TACR3: variants seen among roughly 807,000 people sequenced by gnomAD.
TACR3 encodes the protein tachykinin receptor 3.
A neutral mutation model predicts 35.0 loss-of-function variants in TACR3; 34 were observed. That is an observed-to-expected ratio of 0.97 (90% CI 0.74 to 1.30). The LOEUF is 1.30. Ranked by LOEUF, TACR3 falls within the 50% of genes most tolerant of loss-of-function variation. The pLI is 0.00. For missense variants in TACR3, 558 were observed against 591.7 expected, an observed-to-expected ratio of 0.94 and a Z score of 0.59; for synonymous variants, 233 against 221.1, an observed-to-expected ratio of 1.05 and a Z score of -0.48.
chr4:103,615,226 C>A (rs1249423356), intron 3 of TACR3, among the ~76,000 whole-genome samples: 1 of 152,040 alleles, frequency 6.6e-6, no homozygotes, highest in Non-Finnish European at 1.5e-5. Flanking sequence ...CAAGAGAAGA[C>A]CATGGTCGTG....
At chr4:103,636,300 T>C (rs902496113) in intron 3 of TACR3, among the ~76,000 whole-genome samples, 1 of 151,948 alleles carries the variant, frequency 6.6e-6, no homozygotes, top group African/African-American at 2.4e-5. Context: ...TTTTAATCAA[T>C]CAAAACACAG....
chr4:103,704,095 C>A (rs1722727916), intron 1 of TACR3, among the ~76,000 whole-genome samples: 3 of 74,962 alleles, frequency 4.0e-5, no homozygotes, highest in African/African-American at 5.2e-5. Flanking sequence ...CAGAGTGAAA[C>A]TCTATCTCAC....
chr4:103,697,570 G>A (rs764320339), intron 1 of TACR3, among the ~76,000 whole-genome samples: 4 of 151,702 alleles, frequency 2.6e-5, no homozygotes, highest in African/African-American at 7.3e-5. Flanking sequence ...GACTACAGGC[G>A]CCCGCCACCA....
intron 3 of TACR3, among the ~76,000 whole-genome samples, chr4:103,629,677 G>T (rs1411659687): frequency 1.3e-5 from 2 of 151,716 alleles, no homozygotes; most frequent in Non-Finnish European, 2.9e-5. Flanking sequence ...CATGCTCATG[G>T]GTAGGAAGAA....
At chr4:103,678,613 G>A (rs1013449967) in intron 1 of TACR3, among the ~76,000 whole-genome samples, 2 of 151,838 alleles carry the variant, frequency 1.3e-5, no homozygotes. Flanking sequence ...TATGCATTGA[G>A]TGCCAAATAA....
In TACR3 at chr4:103,590,090, A is replaced by C. The variant is rs923157535; in HGVS notation, c.1086-96T>G. On this transcript the variant is annotated intron_variant, in intron 4 of 4. Coordinates refer to ENST00000304883, the MANE Select transcript of TACR3 (RefSeq NM_001059.3). ...AAATTCTACCTAAGGCAGTTATAAC[A>C]ACTCAGTTTTTGAGTTTGGTTTTTA... is the stretch of plus-strand genomic sequence containing the variant. 4 of 1,490,578 alleles carry C rather than the reference A, an allele frequency of 2.7e-6. No homozygotes were observed. The African/African-American group carries it at 5.6e-5, about 21-fold the overall frequency. The allele number at this position is 1,490,578 out of a possible 1,614,324, so 92.3% of individuals were successfully genotyped here. A position where few individuals can be genotyped will look rare whatever the true frequency, so the allele number is the denominator to read the frequency against.
At chr4:103,625,654 A>T (rs1208890975) in intron 3 of TACR3, among the ~76,000 whole-genome samples, 1 of 152,148 alleles carries the variant, frequency 6.6e-6, no homozygotes, top group East Asian at 1.9e-4. Flanking sequence ...TTCATATTAG[A>T]GCAGAATTCA....
chr4:103,650,242 C>T (rs1405332979), intron 3 of TACR3, among the ~76,000 whole-genome samples: 1 of 151,698 alleles, frequency 6.6e-6, no homozygotes. Context: ...GATGGGGTGA[C>T]ACAAGCAGCC....
At chr4:103,657,778 C>A (rs1443252454) in intron 2 of TACR3, among the ~76,000 whole-genome samples, 2 of 151,786 alleles carry the variant, frequency 1.3e-5, no homozygotes, top group African/African-American at 4.8e-5. Flanking sequence ...TAGAGACAAG[C>A]AAAAGAACAC....
intron 3 of TACR3, among the ~76,000 whole-genome samples, chr4:103,609,367 C>T (rs1724464151): frequency 6.6e-6 from 1 of 152,000 alleles, no homozygotes; most frequent in African/African-American, 2.4e-5. Context: ...TTGCTGTCTT[C>T]CCTCAATATC....
intron 1 of TACR3, among the ~76,000 whole-genome samples, chr4:103,714,682 A>G (rs1326719308): frequency 6.6e-6 from 1 of 152,180 alleles, no homozygotes; most frequent in South Asian, 2.1e-4. Context: ...CTGCATGGAA[A>G]GTGACTTTTC....
chr4:103,719,513 G>T lies in TACR3; in HGVS notation c.163C>A (p.Pro55Thr), dbSNP rs762959917. The change falls in exon 1 of 5, where the codon CCT (proline) becomes ACT (threonine). Residue 55 changes from proline to threonine, a missense_variant. Transcript: ENST00000304883. The stretch of plus-strand genomic sequence containing the variant: ...GCCACAGGCAGTCCCAGCGCGGAAG[G>T]GGAGGAGGAGAGGTTGCCAGCTTGG... ...LDQAGNLSSS[P>T]SALGLPVASP... The T allele has an allele frequency of 1.6e-5, 26 of 1,609,590 alleles. No homozygotes were observed. Among genetic ancestry groups the T allele is most frequent in the Admixed American group, 6.7e-5 (4 of 59,904 alleles).
intron 1 of TACR3, among the ~76,000 whole-genome samples, chr4:103,669,739 C>A (rs116339443): frequency 8.1e-4 from 123 of 151,814 alleles, no homozygotes; most frequent in African/African-American, 2.8e-3. Flanking sequence ...ATTCTGGTTC[C>A]TAATTTCTTC....
intron 3 of TACR3, among the ~76,000 whole-genome samples, chr4:103,598,228 T>C (rs912651520): frequency 6.6e-6 from 1 of 152,210 alleles, no homozygotes; most frequent in Non-Finnish European, 1.5e-5. Context: ...TTTTCATGTG[T>C]TTTTCGGCTG....
intron 1 of TACR3, among the ~76,000 whole-genome samples, chr4:103,686,232 A>C (rs1017269737): frequency 6.6e-6 from 1 of 152,182 alleles, no homozygotes; most frequent in Admixed American, 6.6e-5. Flanking sequence ...TAGACCCTGG[A>C]TGAATGTGAG....
chr4:103,694,062 A>G (rs900635340), intron 1 of TACR3, among the ~76,000 whole-genome samples: 2 of 152,094 alleles, frequency 1.3e-5, no homozygotes, highest in African/African-American at 4.8e-5. Context: ...ACACATTAAA[A>G]ATTTTTTTCT....
chr4:103,599,380 C>T (rs7683376), intron 3 of TACR3, among the ~76,000 whole-genome samples: 299 of 151,990 alleles, frequency 2.0e-3, no homozygotes, highest in African/African-American at 7.0e-3. Context: ...TTTCTAGATA[C>T]ACAATCATGT....
At chr4:103,678,965 C>T (rs939454632) in intron 1 of TACR3, among the ~76,000 whole-genome samples, 5 of 151,778 alleles carry the variant, frequency 3.3e-5, no homozygotes, top group Non-Finnish European at 5.9e-5. Flanking sequence ...AAGTATTTTC[C>T]AGTTCTGTCA....
chr4:103,646,819 T>C (rs978225175), intron 3 of TACR3, among the ~76,000 whole-genome samples: 2 of 151,974 alleles, frequency 1.3e-5, no homozygotes, highest in South Asian at 2.1e-4. Flanking sequence ...ATTGTAGTCA[T>C]ATGGATTTAG....
Sources: gnomAD v4.1 joint callset for allele counts (sites outside exome capture counted in the v4.1 genomes callset) on GRCh38, gnomAD v4.1.1 for gene constraint, MANE v1.5 for transcripts, NCBI Gene and HGNC (gene_info 2026-07-23, HGNC 2026-07-21) for gene names.